Variants in HDAC11 observed in about 807,000 individuals in gnomAD.
HDAC11 encodes histone deacetylase 11.
A neutral mutation model predicts 41.1 loss-of-function variants in HDAC11; 23 were observed. That is an observed-to-expected ratio of 0.56 (90% CI 0.40 to 0.79). The LOEUF is 0.79. Among genes scored for constraint, HDAC11 ranks in the 30% least tolerant of loss-of-function variants. HDAC11 has a pLI of 0.00. For missense variants in HDAC11, 402 were observed against 477.3 expected (o/e 0.84, Z 1.47); for synonymous variants, 187 against 186.6 (o/e 1.00, Z -0.02).
intron 3 of HDAC11, among the ~76,000 whole-genome samples, chr3:13,485,589 T>TC (rs1336853370): frequency 6.6e-6 from 1 of 152,056 alleles, no homozygotes; most frequent in Non-Finnish European, 1.5e-5. Context: ...CTGGCCTTGG[T>TC]CCCCCAAAAG....
rs1291807932 is a variant in HDAC11, at chr3:13,480,458, G to C, written c.2+109G>C. 1 of 651,124 alleles carries C rather than the reference G, an allele frequency of 1.5e-6. No individual in the cohort carries two copies. The highest frequency in any genetic ancestry group is 1.9e-5 in the African/African-American group (1 of 52,140). 40.3% of individuals were successfully genotyped at this position (651,124 alleles called of 1,614,324 possible). A position where few individuals can be genotyped will look rare whatever the true frequency, so the allele number is the denominator to read the frequency against. ...GGCGGGCGCGCCAGGTAAGGGCCCA[G>C]ATTTGCTGGTGAGGGGTGAGGGACG... On this transcript the variant is annotated intron_variant, in intron 1 of 9. Transcript: ENST00000295757. This position sits in a 1 kb window ranked among gnomAD's most constrained non-coding sequence, Gnocchi z 4.6.
At position 13,502,771 on chromosome 3, in the gene HDAC11, G is replaced by A; in HGVS notation, c.553-113G>A. On this transcript the variant is annotated intron_variant, in intron 7 of 9. Transcript: ENST00000295757. This position sits in a 1 kb window ranked among gnomAD's most constrained non-coding sequence, Gnocchi z 4.1. ...GTCATGAGACCTGCTGCCCCCGAGAGCAGGCCGTGCTGCCCTGGCAAATGG... is the reference window on the plus strand; with the variant it reads ...GTCATGAGACCTGCTGCCCCCGAGAACAGGCCGTGCTGCCCTGGCAAATGG... 1 of 734,120 alleles carries A rather than the reference G, an allele frequency of 1.4e-6. No individual in the cohort carries two copies. Among genetic ancestry groups the A allele is most frequent in the Non-Finnish European group, 2.4e-6 (1 of 423,106 alleles). 45.5% of individuals were successfully genotyped at this position (734,120 alleles called of 1,614,324 possible). A position where few individuals can be genotyped will look rare whatever the true frequency, so the allele number is the denominator to read the frequency against.
In HDAC11 at chr3:13,502,575, T is replaced by C; in HGVS notation, c.553-309T>C. 3.3e-6 allele frequency: 1 copy of C among 304,764 alleles called. No individual in the cohort carries two copies. The highest frequency in any genetic ancestry group is 6.3e-6 in the Non-Finnish European group (1 of 159,330). 18.9% of individuals were successfully genotyped at this position (304,764 alleles called of 1,614,324 possible). A position where few individuals can be genotyped will look rare whatever the true frequency, so the allele number is the denominator to read the frequency against. ...GTCACATGTGGACAGTCCTTTACAG[T>C]TTGCTTTTCACATCCCTGATCCCAA... is the stretch of plus-strand genomic sequence containing the variant. On this transcript the variant is annotated intron_variant, in intron 7 of 9. Transcript: ENST00000295757. The surrounding 1 kb of genome is among the most constrained non-coding windows in gnomAD (Gnocchi z 4.1).
rs765022919 is a variant in HDAC11, at chr3:13,483,544, C to T, written c.232C>T (p.Arg78Cys). ...EEDLLVVHTR[R>C]YLNELKWSFA... ...GGACCTGCTGGTGGTGCACACGAGG[C>T]GCTATCTTAATGAGCTCAAGGTACA... The change falls in exon 3 of 10, where the codon CGC (arginine) becomes TGC (cysteine). Residue 78 changes from arginine to cysteine, a missense_variant. By Grantham distance (180) the Arg-to-Cys change is radical. Transcript: ENST00000295757. The T allele has an allele frequency of 7.4e-6, 12 of 1,612,770 alleles. 1 individual carries two copies. Among genetic ancestry groups the T allele is most frequent in the South Asian group, 5.5e-5 (5 of 91,046 alleles).
In HDAC11 at chr3:13,504,875, G is replaced by C. The variant is rs1445753283; in HGVS notation, c.*192G>C. On this transcript the variant is annotated 3_prime_UTR_variant, in exon 10 of 10. Coordinates refer to ENST00000295757, the MANE Select transcript of HDAC11 (RefSeq NM_024827.4). ...GCCAGAAGGGCTTGAGGCCTCTATGGGTGGGGGCAGAAGGCAGAGCCTGTG... is the reference window on the plus strand; with the variant it reads ...GCCAGAAGGGCTTGAGGCCTCTATGCGTGGGGGCAGAAGGCAGAGCCTGTG... 1.6e-6 allele frequency: 1 copy of C among 614,970 alleles called. No homozygotes were observed. Among genetic ancestry groups the C allele is most frequent in the Non-Finnish European group, 2.9e-6 (1 of 348,316 alleles). The allele number at this position is 614,970 out of a possible 1,614,324, so 38.1% of individuals were successfully genotyped here.
rs1701251445 is a variant in HDAC11 at position 13,480,454 on chromosome 3, C to T, written c.2+105C>T. 1 of 678,180 alleles carries T rather than the reference C, an allele frequency of 1.5e-6. No individual in the cohort carries two copies. Among genetic ancestry groups the T allele is most frequent in the Non-Finnish European group, 2.0e-6 (1 of 498,048 alleles). The allele number at this position is 678,180 out of a possible 1,614,324, so 42.0% of individuals were successfully genotyped here. On this transcript the variant is annotated intron_variant, in intron 1 of 9. Transcript: ENST00000295757. The surrounding 1 kb of genome is among the most constrained non-coding windows in gnomAD (Gnocchi z 4.6). ...GCCGGGCGGGCGCGCCAGGTAAGGG[C>T]CCAGATTTGCTGGTGAGGGGTGAGG...
At chr3:13,492,412 G>A (rs910790080) in intron 3 of HDAC11, among the ~76,000 whole-genome samples, 3 of 152,258 alleles carry the variant, frequency 2.0e-5, no homozygotes, top group Non-Finnish European at 4.4e-5. Context: ...GCAGACGCGT[G>A]CTGTCCTCCT....
chr3:13,492,756 C>CCAACA (rs1701924406), intron 3 of HDAC11, among the ~76,000 whole-genome samples: 5 of 152,110 alleles, frequency 3.3e-5, no homozygotes, highest in Admixed American at 3.3e-4. Context: ...GTTGGCCAGG[C>CCAACA]TGGTCGTGAA....
At chr3:13,489,727 T>C (rs575677204) in intron 3 of HDAC11, among the ~76,000 whole-genome samples, 1 of 152,174 alleles carries the variant, frequency 6.6e-6, no homozygotes, top group East Asian at 1.9e-4. Flanking sequence ...CTACCATGCC[T>C]GGCTAATTTT....
At position 13,504,932 on chromosome 3, in the gene HDAC11, C is replaced by T. The variant is rs1702551674; in HGVS notation, c.*249C>T. 1.7e-6 allele frequency: 1 copy of T among 575,506 alleles called. No individual in the cohort carries two copies. Among genetic ancestry groups the T allele is most frequent in the South Asian group, 2.0e-5 (1 of 49,374 alleles). 35.6% of individuals were successfully genotyped at this position (575,506 alleles called of 1,614,324 possible). The stretch of plus-strand genomic sequence containing the variant: ...GGGGACCCACACGAAGTCACCAGCC[C>T]ATAGGTCCAGGGAGGCAGGCAGTTA... On this transcript the variant is annotated 3_prime_UTR_variant, in exon 10 of 10. Coordinates refer to ENST00000295757, the MANE Select transcript of HDAC11 (RefSeq NM_024827.4).
intron 3 of HDAC11, among the ~76,000 whole-genome samples, chr3:13,495,343 G>T (rs1433901083): frequency 6.6e-6 from 1 of 152,054 alleles, no homozygotes; most frequent in Non-Finnish European, 1.5e-5. Context: ...AACCTCAGCT[G>T]TCTCACCTGG....
At chr3:13,492,464 C>T (rs1304725277) in intron 3 of HDAC11, among the ~76,000 whole-genome samples, 1 of 152,244 alleles carries the variant, frequency 6.6e-6, no homozygotes, top group Non-Finnish European at 1.5e-5. Flanking sequence ...CTAATCGGGA[C>T]AGTCTGTAGC....
chr3:13,496,853 G>A lies in HDAC11; in HGVS notation c.369+1G>A. ...GACCCAGACAGGAGGAACCATAATG[G>A]TAGGTGGGGTGGGGGGGCATGGCTG... On this transcript the variant is annotated splice_donor_variant, in intron 4 of 9. Coordinates refer to ENST00000295757, the MANE Select transcript of HDAC11 (RefSeq NM_024827.4). LOFTEE classifies it high-confidence loss of function. The A allele has an allele frequency of 7.7e-7, 1 of 1,301,412 alleles. No homozygotes were observed. Among genetic ancestry groups the A allele is most frequent in the Non-Finnish European group, 1.1e-6 (1 of 924,024 alleles). The allele number at this position is 1,301,412 out of a possible 1,614,324, so 80.6% of individuals were successfully genotyped here.
rs1323588694 is a variant in HDAC11, at chr3:13,505,536, TG to T, written c.*856del. 1 of 152,526 alleles carries T rather than the reference TG, an allele frequency of 6.6e-6. No homozygotes were observed. The highest frequency in any genetic ancestry group is 2.4e-5 in the African/African-American group (1 of 41,366). 9.4% of individuals were successfully genotyped at this position (152,526 alleles called of 1,614,324 possible). A position where few individuals can be genotyped will look rare whatever the true frequency, so the allele number is the denominator to read the frequency against. On this transcript the variant is annotated 3_prime_UTR_variant, in exon 10 of 10. Coordinates refer to ENST00000295757, the MANE Select transcript of HDAC11 (RefSeq NM_024827.4). ...GAGGGCAGAAGAAGGGTGGGGGACG[TG>T]GGCAGGCCAGGCTCACAGGTGGAAA...
In HDAC11 at chr3:13,504,528, CT is replaced by C. The variant is rs750787559; in HGVS notation, c.891del (p.Met298TrpfsTer2). 4 of 1,613,560 alleles carry C rather than the reference CT, an allele frequency of 2.5e-6. No individual in the cohort carries two copies. In the African/African-American group the frequency reaches 5.3e-5, roughly 22 times the overall value. On this transcript the variant is annotated frameshift_variant, in exon 10 of 10. Transcript: ENST00000295757. LOFTEE classifies it high-confidence loss of function. ...GGTCCGTGGCCGCCGGGTGCCCATC[CT>C]TATGGTGACCTCAGGCGGGTACCAG... ...RMVRGRRVPI[L>X]MVTSGGYQKR...
chr3:13,502,638 G>C lies in HDAC11; in HGVS notation c.553-246G>C, dbSNP rs1468346099. The C allele has an allele frequency of 4.6e-6, 2 of 431,028 alleles. No homozygotes were observed. Among genetic ancestry groups the C allele is most frequent in the Middle Eastern group, 6.7e-4 (1 of 1,502 alleles). 26.7% of individuals were successfully genotyped at this position (431,028 alleles called of 1,614,324 possible). Reference sequence around the variant, plus strand: ...CAGACTTGAGAGGGTGGCAGAGCGGGATTTCTTCCTCTGATAGGGAACCTA... The same window carrying C: ...CAGACTTGAGAGGGTGGCAGAGCGGCATTTCTTCCTCTGATAGGGAACCTA... On this transcript the variant is annotated intron_variant, in intron 7 of 9. Coordinates refer to ENST00000295757, the MANE Select transcript of HDAC11 (RefSeq NM_024827.4). The surrounding 1 kb of genome is among the most constrained non-coding windows in gnomAD (Gnocchi z 4.1).
Position 13,504,761 on chromosome 3 carries a change from T to G in HDAC11, c.*78T>G. ...TTTGTTTTCTAACCTCATGGGGTGG[T>G]GGAGGCAGCCTTCAGTGAGCATGGA... On this transcript the variant is annotated 3_prime_UTR_variant, in exon 10 of 10. Transcript: ENST00000295757. The G allele has an allele frequency of 7.7e-7, 1 of 1,291,880 alleles. No homozygotes were observed. Among genetic ancestry groups the G allele is most frequent in the Non-Finnish European group, 1.1e-6 (1 of 908,102 alleles). 80.0% of individuals were successfully genotyped at this position (1,291,880 alleles called of 1,614,324 possible).
At position 13,504,524 on chromosome 3, in the gene HDAC11, C is replaced by T. The variant is rs1237136525; in HGVS notation, c.885C>T (p.Pro295=). The change falls in exon 10 of 10, where the codon CCC becomes CCT. Residue 295 remains proline (P), a synonymous_variant. Transcript: ENST00000295757. ...GGATGGTCCGTGGCCGCCGGGTGCC[C>T]ATCCTTATGGTGACCTCAGGCGGGT... The part of the protein sequence containing the change: ...VFRMVRGRRV[P]ILMVTSGGYQ... The T allele has an allele frequency of 1.9e-6, 3 of 1,613,574 alleles. No individual in the cohort carries two copies. Among genetic ancestry groups the T allele is most frequent in the Non-Finnish European group, 1.7e-6 (2 of 1,180,024 alleles).
Position 13,496,793 on chromosome 3 carries a change from T to A in HDAC11, c.310T>A (p.Phe104Ile). Residue 104 changes from phenylalanine (F) to isoleucine (I), a missense_variant, in exon 4 of 10, where the codon TTC becomes ATC. Coordinates refer to ENST00000295757, the MANE Select transcript of HDAC11 (RefSeq NM_024827.4). ...EIPPVIFLPNFLVQRKVLRPL... is the reference protein window; with the variant it reads ...EIPPVIFLPNILVQRKVLRPL... ...CCCCCCCGTTATCTTCCTCCCCAAC[T>A]TCCTTGTGCAGAGGAAGGTGCTGAG... 1 of 1,608,228 alleles carries A rather than the reference T, an allele frequency of 6.2e-7. No homozygotes were observed. Among genetic ancestry groups the A allele is most frequent in the Non-Finnish European group, 8.5e-7 (1 of 1,177,270 alleles).
Sources: allele counts gnomAD v4.1 joint callset (sites outside exome capture counted in the v4.1 genomes callset), GRCh38; gene constraint gnomAD v4.1.1; non-coding constraint Gnocchi (gnomAD v3.1); transcripts MANE v1.5; gene names NCBI Gene and HGNC (gene_info 2026-07-23, HGNC 2026-07-21).